Variants in UST observed in about 807,000 individuals in gnomAD.
The protein encoded by UST is chondroitin sulfate 2-O-sulfotransferase.
In UST, 21 loss-of-function variants were observed where a neutral mutation model predicts 45.6. The observed-to-expected ratio is 0.46, with a 90% CI of 0.33 to 0.66. UST has a LOEUF of 0.66. Ranked by LOEUF, UST falls within the 30% of genes least tolerant of loss-of-function variation. The pLI, the probability that UST is intolerant of heterozygous loss-of-function variation, is 0.02. For synonymous variants in UST, 215 were observed against 200.6 expected (o/e 1.07, Z -0.61); for missense variants, 463 against 512.4 (o/e 0.90, Z 0.93).
At chr6:149,055,390 T>G (rs1008001924) in intron 7 of UST, among the ~76,000 whole-genome samples, 4 of 152,192 alleles carry the variant, frequency 2.6e-5, no homozygotes, top group African/African-American at 9.6e-5. Flanking sequence ...GAAATTTCAT[T>G]TCATGCCCCA....
At chr6:148,805,436 TTG>T (rs1777129459) in intron 1 of UST, among the ~76,000 whole-genome samples, 1 of 152,204 alleles carries the variant, frequency 6.6e-6, no homozygotes, top group Non-Finnish European at 1.5e-5. Flanking sequence ...GTGGAAGTTT[TTG>T]TGTTTTTGTT....
intron 5 of UST, among the ~76,000 whole-genome samples, chr6:148,980,120 C>T (rs1390276702): frequency 2.6e-5 from 4 of 152,092 alleles, no homozygotes; most frequent in African/African-American, 7.2e-5. Flanking sequence ...AGAGTTTGTA[C>T]GGTCAGTTTC....
At chr6:148,781,780 G>A (rs575445462) in intron 1 of UST, among the ~76,000 whole-genome samples, 5 of 152,244 alleles carry the variant, frequency 3.3e-5, no homozygotes, top group South Asian at 2.1e-4. Context: ...TTTATTTACC[G>A]TTCTGAAAAT....
intron 1 of UST, among the ~76,000 whole-genome samples, chr6:148,865,583 G>A (rs1281364759): frequency 6.6e-6 from 1 of 151,998 alleles, no homozygotes; most frequent in East Asian, 1.9e-4. Context: ...CTGGCTCCAT[G>A]CCAAAGTGAA....
chr6:148,913,042 C>T (rs1779507338), intron 2 of UST, among the ~76,000 whole-genome samples: 1 of 152,196 alleles, frequency 6.6e-6, no homozygotes, highest in East Asian at 1.9e-4. Flanking sequence ...TCACTTCACA[C>T]AGCAAAGTTT....
intron 7 of UST, among the ~76,000 whole-genome samples, chr6:149,072,660 A>G (rs1776836554): frequency 6.6e-6 from 1 of 152,182 alleles, no homozygotes; most frequent in African/African-American, 2.4e-5. Flanking sequence ...TCTCAAAAAA[A>G]AAAAAAAAGG....
intron 7 of UST, among the ~76,000 whole-genome samples, chr6:149,053,164 AATATTTTATGAC>A (rs1776513203): frequency 6.6e-6 from 1 of 152,214 alleles, no homozygotes; most frequent in Non-Finnish European, 1.5e-5. Context: ...TAGATATAAA[AATATTTTATGAC>A]ATATTCACTG....
At chr6:148,837,281 A>T (rs1429770749) in intron 1 of UST, among the ~76,000 whole-genome samples, 1 of 152,156 alleles carries the variant, frequency 6.6e-6, no homozygotes. Context: ...AATTGAACTT[A>T]TCCCCCTCAA....
chr6:149,005,084 T>C (rs1781621886), intron 5 of UST, among the ~76,000 whole-genome samples: 1 of 152,100 alleles, frequency 6.6e-6, no homozygotes, highest in Non-Finnish European at 1.5e-5. Flanking sequence ...CTCAGCATGC[T>C]GGCCTAGAGC....
intron 1 of UST, among the ~76,000 whole-genome samples, chr6:148,774,333 A>G (rs1037365814): frequency 3.3e-5 from 5 of 150,746 alleles, no homozygotes; most frequent in Non-Finnish European, 7.4e-5. Flanking sequence ...AATCAGTGAA[A>G]TTTACTTATA....
Position 148,841,239 on chromosome 6 carries a change from AT to A in UST, c.248-45744del, listed in dbSNP as rs543244754. On this transcript the variant is annotated intron_variant, in intron 1 of 7. Transcript: ENST00000367463. ...GAATACATAAAAATGATGATAGAAA[AT>A]TTCTTATGGCATCAGTAATTAATTT... Among the ~76,000 whole-genome samples the A allele has an allele frequency of 2.0e-3, 299 of 152,268 alleles. 1 individual carries two copies. The highest frequency in any genetic ancestry group is 3.0e-3 in the Non-Finnish European group (206 of 68,024).
chr6:148,905,339 C>T (rs1163893597), intron 2 of UST, among the ~76,000 whole-genome samples: 2 of 152,218 alleles, frequency 1.3e-5, no homozygotes, highest in Non-Finnish European at 1.5e-5. Flanking sequence ...AGCCTAAAGC[C>T]TAGTGAAAGG....
chr6:148,899,092 CTTTTTTTT>C (rs3075093), intron 2 of UST, among the ~76,000 whole-genome samples: 1 of 65,552 alleles, frequency 1.5e-5, no homozygotes, highest in Non-Finnish European at 2.8e-5. Flanking sequence ...CTACCTAATC[CTTTTTTTT>C]TTTTTTTTTT....
intron 1 of UST, among the ~76,000 whole-genome samples, chr6:148,868,027 C>T (rs539421617): frequency 6.6e-6 from 1 of 152,236 alleles, no homozygotes; most frequent in South Asian, 2.1e-4. Flanking sequence ...CACTGATGAG[C>T]CTGCCACTGA....
Position 149,005,632 on chromosome 6 carries a change from C to T in UST, c.682-13507C>T, listed in dbSNP as rs998060391. The stretch of plus-strand genomic sequence containing the variant: ...TTCTCTCCCTCCCTCTCTCCACCAC[C>T]ATTAGACCTCATTTCTTAAAGGACT... On this transcript the variant is annotated intron_variant, in intron 5 of 7. Coordinates refer to ENST00000367463, the MANE Select transcript of UST (RefSeq NM_005715.3). 6 of 981,810 alleles carry T rather than the reference C, an allele frequency of 6.1e-6. No individual in the cohort carries two copies. The African/African-American group carries it at 1.1e-4, about 17-fold the overall frequency. The allele number at this position is 981,810 out of a possible 1,614,324, so 60.8% of individuals were successfully genotyped here. A position where few individuals can be genotyped will look rare whatever the true frequency, so the allele number is the denominator to read the frequency against.
At chr6:148,828,434 G>A (rs1777613946) in intron 1 of UST, among the ~76,000 whole-genome samples, 1 of 151,912 alleles carries the variant, frequency 6.6e-6, no homozygotes, top group South Asian at 2.1e-4. Flanking sequence ...TAATATTTTG[G>A]GAAAATATTT....
intron 2 of UST, among the ~76,000 whole-genome samples, chr6:148,907,910 T>G: frequency 7.5e-6 from 1 of 133,160 alleles, no homozygotes; most frequent in Non-Finnish European, 1.6e-5. Context: ...GGCTTTTTTT[T>G]TTTTTTTTTT....
At chr6:148,820,808 G>A (rs556825005) in intron 1 of UST, among the ~76,000 whole-genome samples, 30 of 142,728 alleles carry the variant, frequency 2.1e-4, no homozygotes, top group Middle Eastern at 4.0e-3. Flanking sequence ...AGCTGAGATC[G>A]CACCACTGCA....
intron 1 of UST, among the ~76,000 whole-genome samples, chr6:148,751,996 A>T (rs936850249): frequency 6.6e-6 from 1 of 152,204 alleles, no homozygotes; most frequent in Non-Finnish European, 1.5e-5. Flanking sequence ...TGTGATTTAG[A>T]CTTTATGGGA....
Sources: gnomAD v4.1 joint callset for allele counts (sites outside exome capture counted in the v4.1 genomes callset) on GRCh38, gnomAD v4.1.1 for gene constraint, MANE v1.5 for transcripts, NCBI Gene and HGNC (gene_info 2026-07-23, HGNC 2026-07-21) for gene names.